Variants in RBM18 observed in about 807,000 individuals in gnomAD.
RBM18 encodes probable RNA-binding protein 18.
In RBM18, 18 loss-of-function variants were observed where a neutral mutation model predicts 26.4. The observed-to-expected ratio is 0.68, with a 90% confidence interval of 0.47 to 1.01. The LOEUF (loss-of-function observed/expected upper bound fraction) is 1.01. Among genes scored for constraint, RBM18 ranks in the 50% least tolerant of loss-of-function variants. The pLI, the probability that RBM18 is intolerant of heterozygous loss-of-function variation, is 0.00. For missense variants in RBM18, 180 were observed against 219.2 expected (o/e 0.82, Z 1.13); for synonymous variants, 74 against 81.1 (o/e 0.91, Z 0.47).
intron 2 of RBM18, among the ~76,000 whole-genome samples, chr9:122,252,284 A>G (rs536968131): frequency 7.9e-5 from 12 of 152,366 alleles, no homozygotes; most frequent in African/African-American, 2.6e-4. Flanking sequence ...GAAAAGCTCA[A>G]AAATAGTGTT....
chr9:122,238,677 C>T lies in RBM18; in HGVS notation c.*3207G>A, dbSNP rs889578956. 3 of 152,180 alleles carry T rather than the reference C, an allele frequency of 2.0e-5. No individual in the cohort carries two copies. Among genetic ancestry groups the T allele is most frequent in the Admixed American group, 2.0e-4 (3 of 15,270 alleles). The allele number at this position is 152,180 out of a possible 1,614,324, so 9.4% of individuals were successfully genotyped here. On this transcript the variant is annotated 3_prime_UTR_variant, in exon 6 of 6. Transcript: ENST00000417201. ...TGAAGGACAGGTCATTAGGGCCTTA[C>T]AGATCTTTCAATTTTTTCTAGGCTG...
Position 122,247,528 on chromosome 9 carries a change from G to A in RBM18, c.317C>T (p.Ala106Val). Residue 106 changes from alanine (A) to valine (V), a missense_variant, in exon 4 of 6, where the codon GCT (alanine) becomes GTT (valine). Physicochemically the swap from Ala to Val is moderately conservative, Grantham distance 64 (BLOSUM62 0). Around this residue, in one of 3 missense-constraint regions of RBM18, gnomAD observed 103 missense variants for 102.8 expected, o/e 1.00. Coordinates refer to ENST00000417201, the MANE Select transcript of RBM18 (RefSeq NM_033117.4). ...SKKLVVRWAH[A>V]QVKRYDHNKN... is the part of the protein sequence containing the mutation. ...GCCTCTCAGACGTACCTTTACTTGA[G>A]CATGTGCCCATCGCACCACCAGCTT... 1 of 1,613,768 alleles carries A rather than the reference G, an allele frequency of 6.2e-7. No individual in the cohort carries two copies. Among genetic ancestry groups the A allele is most frequent in the Non-Finnish European group, 8.5e-7 (1 of 1,179,780 alleles).
chr9:122,262,647 G>C (rs138159131), intron 1 of RBM18, among the ~76,000 whole-genome samples: 4 of 152,076 alleles, frequency 2.6e-5, no homozygotes, highest in South Asian at 4.1e-4. Flanking sequence ...GCGGTGGCAC[G>C]ATCTCGGCTC....
chr9:122,254,799 G>C (rs1289143398), intron 2 of RBM18, among the ~76,000 whole-genome samples: 1 of 152,230 alleles, frequency 6.6e-6, no homozygotes, highest in Admixed American at 6.5e-5. Context: ...GACAGAGAGA[G>C]ATGTAATCAA....
intron 2 of RBM18, among the ~76,000 whole-genome samples, chr9:122,252,434 G>GCAAA (rs199695380): frequency 2.0e-4 from 30 of 152,068 alleles, no homozygotes; most frequent in East Asian, 3.9e-4. Flanking sequence ...ATGCATTCAT[G>GCAAA]CAAACAAACA....
chr9:122,241,883 A>G lies in RBM18; in HGVS notation c.*1T>C. On this transcript the variant is annotated 3_prime_UTR_variant, in exon 6 of 6. Transcript: ENST00000417201. ...TTTGCTGCTACAGTAATTCACAACC[A>G]TCATCTTCGAGATTTCCATGCTGTT... 1 of 1,611,100 alleles carries G rather than the reference A, an allele frequency of 6.2e-7. No homozygotes were observed. Among genetic ancestry groups the G allele is most frequent in the Non-Finnish European group, 8.5e-7 (1 of 1,179,168 alleles).
chr9:122,250,177 T>C (rs1831577692), intron 3 of RBM18, among the ~76,000 whole-genome samples: 1 of 151,780 alleles, frequency 6.6e-6, no homozygotes, highest in Admixed American at 6.6e-5. Context: ...CTATCATATG[T>C]ACAAAAATTA....
In RBM18 at chr9:122,239,272, T is replaced by C. The variant is rs1401819906; in HGVS notation, c.*2612A>G. 6.6e-6 allele frequency: 1 copy of C among 152,138 alleles called. No individual in the cohort carries two copies. The highest frequency in any genetic ancestry group is 1.5e-5 in the Non-Finnish European group (1 of 68,036). The allele number at this position is 152,138 out of a possible 1,614,324, so 9.4% of individuals were successfully genotyped here. On this transcript the variant is annotated 3_prime_UTR_variant, in exon 6 of 6. Transcript: ENST00000417201. ...CTCTGTTGCCCAGGCTGGAGTGCAG[T>C]GGCACAATCTCGGCTCACTGGAACC...
intron 3 of RBM18, among the ~76,000 whole-genome samples, chr9:122,251,569 G>A (rs1054285582): frequency 3.3e-5 from 5 of 152,170 alleles, no homozygotes; most frequent in African/African-American, 1.2e-4. Context: ...AATAGGGAGG[G>A]GGATGTACAT....
At chr9:122,252,470 T>C (rs1831620731) in intron 2 of RBM18, among the ~76,000 whole-genome samples, 1 of 152,226 alleles carries the variant, frequency 6.6e-6, no homozygotes, top group South Asian at 2.1e-4. Context: ...CTGGAAGATC[T>C]TCCTATTAGA....
At chr9:122,252,253 A>G (rs1316701292) in intron 2 of RBM18, among the ~76,000 whole-genome samples, 1 of 152,212 alleles carries the variant, frequency 6.6e-6, no homozygotes, top group East Asian at 1.9e-4. Flanking sequence ...GCCTACAAGC[A>G]CTATTTGTTT....
At position 122,240,201 on chromosome 9, in the gene RBM18, G is replaced by C. The variant is rs919233921; in HGVS notation, c.*1683C>G. 1 of 152,122 alleles carries C rather than the reference G, an allele frequency of 6.6e-6. No homozygotes were observed. The highest frequency in any genetic ancestry group is 2.4e-5 in the African/African-American group (1 of 41,420). 9.4% of individuals were successfully genotyped at this position (152,122 alleles called of 1,614,324 possible). A position where few individuals can be genotyped will look rare whatever the true frequency, so the allele number is the denominator to read the frequency against. On this transcript the variant is annotated 3_prime_UTR_variant, in exon 6 of 6. Transcript: ENST00000417201. The stretch of plus-strand genomic sequence containing the variant: ...AAGTTCTAGTCCACCATAATCCTTT[G>C]AAGACTTACGGATAAAATGGTGAAT...
chr9:122,249,264 A>G (rs931255349), intron 3 of RBM18, among the ~76,000 whole-genome samples: 1 of 152,060 alleles, frequency 6.6e-6, no homozygotes, highest in Non-Finnish European at 1.5e-5. Flanking sequence ...TTTAATCTCC[A>G]TTCTTAGATG....
At chr9:122,259,550 G>C (rs1016571301) in intron 2 of RBM18, among the ~76,000 whole-genome samples, 4 of 152,120 alleles carry the variant, frequency 2.6e-5, no homozygotes, top group Admixed American at 6.5e-5. Flanking sequence ...AATTTCTAAG[G>C]GAACTGAATA....
chr9:122,240,206 C>T lies in RBM18; in HGVS notation c.*1678G>A, dbSNP rs1405720758. The T allele has an allele frequency of 6.6e-6, 1 of 152,126 alleles. No homozygotes were observed. Among genetic ancestry groups the T allele is most frequent in the African/African-American group, 2.4e-5 (1 of 41,418 alleles). The allele number at this position is 152,126 out of a possible 1,614,324, so 9.4% of individuals were successfully genotyped here. A position where few individuals can be genotyped will look rare whatever the true frequency, so the allele number is the denominator to read the frequency against. On this transcript the variant is annotated 3_prime_UTR_variant, in exon 6 of 6. Coordinates refer to ENST00000417201, the MANE Select transcript of RBM18 (RefSeq NM_033117.4). ...CTAGTCCACCATAATCCTTTGAAGACTTACGGATAAAATGGTGAATTCTAT... is the reference window on the plus strand; with the variant it reads ...CTAGTCCACCATAATCCTTTGAAGATTTACGGATAAAATGGTGAATTCTAT...
At chr9:122,252,128 G>A (rs1831614558) in intron 2 of RBM18, among the ~76,000 whole-genome samples, 155 bp from the exon 3 acceptor site, 1 of 152,082 alleles carries the variant, frequency 6.6e-6, no homozygotes, top group Non-Finnish European at 1.5e-5. Flanking sequence ...TAGTTTATTT[G>A]GCAAACAGAG....
rs1352592419 is a variant in RBM18, at chr9:122,240,190, C to T, written c.*1694G>A. ...TTGCACTATGTAAGTTCTAGTCCAC[C>T]ATAATCCTTTGAAGACTTACGGATA... On this transcript the variant is annotated 3_prime_UTR_variant, in exon 6 of 6. Coordinates refer to ENST00000417201, the MANE Select transcript of RBM18 (RefSeq NM_033117.4). 2 of 152,092 alleles carry T rather than the reference C, an allele frequency of 1.3e-5. No homozygotes were observed. The highest frequency in any genetic ancestry group is 2.9e-5 in the Non-Finnish European group (2 of 68,024). 9.4% of individuals were successfully genotyped at this position (152,092 alleles called of 1,614,324 possible).
intron 1 of RBM18, among the ~76,000 whole-genome samples, chr9:122,263,774 C>G (rs1158005144): frequency 1.3e-5 from 2 of 152,128 alleles, no homozygotes; most frequent in African/African-American, 4.8e-5. Flanking sequence ...AGGAATAATA[C>G]CAATAGCTAT....
intron 4 of RBM18, among the ~76,000 whole-genome samples, chr9:122,246,657 A>G (rs561795631): frequency 3.9e-5 from 6 of 152,330 alleles, no homozygotes; most frequent in African/African-American, 1.4e-4. Context: ...CAGCTTGGAC[A>G]TTGAGCTTAA....
Sources: gnomAD v4.1 joint callset for allele counts (sites outside exome capture counted in the v4.1 genomes callset) on GRCh38, gnomAD v4.1.1 for gene constraint, gnomAD v4.1.1 regional missense constraint, MANE v1.5 for transcripts, NCBI Gene and HGNC (gene_info 2026-07-23, HGNC 2026-07-21) for gene names.